Variants in PTGIS observed in about 807,000 individuals in gnomAD.
PTGIS encodes prostaglandin I2 synthase.
PTGIS carries 45 observed loss-of-function variants against 50.3 expected under a neutral mutation model. The ratio of observed to expected loss-of-function variants is 0.90; its 90% CI spans 0.70 to 1.15. PTGIS has a LOEUF of 1.15. Among genes scored for constraint, PTGIS ranks in the 50% most tolerant of loss-of-function variants. PTGIS has a pLI of 0.00. For synonymous variants in PTGIS, 260 were observed against 267.7 expected (o/e 0.97, Z 0.28); for missense variants, 668 against 661.3 (o/e 1.01, Z -0.11).
In PTGIS at chr20:49,540,494, C is replaced by G. The variant is rs1432948617; in HGVS notation, c.522-773G>C. 3.9e-5 allele frequency among the ~76,000 whole-genome samples: 6 copies of G among 152,108 alleles called. No individual in the cohort carries two copies. The highest frequency in any genetic ancestry group is 9.7e-5 in the African/African-American group (4 of 41,408). On this transcript the variant is annotated intron_variant, in intron 4 of 9. Coordinates refer to ENST00000244043, the MANE Select transcript of PTGIS (RefSeq NM_000961.4). This position sits in a 1 kb window ranked among gnomAD's most constrained non-coding sequence, Gnocchi z 4.8. ...GAGGCAGAGGATGGGAGGGCCTGGG[C>G]TGTCAGGGCTGGCCACGCAAGGCAG... is the stretch of plus-strand genomic sequence containing the variant.
chr20:49,567,313 A>T (rs1007759822), intron 1 of PTGIS, among the ~76,000 whole-genome samples: 2 of 152,162 alleles, frequency 1.3e-5, no homozygotes, highest in Non-Finnish European at 2.9e-5. Context: ...GGAGCTGGAA[A>T]ACCTTTGGGA....
At chr20:49,512,229 AT>A (rs1262521939) in intron 8 of PTGIS, among the ~76,000 whole-genome samples, 1 of 151,664 alleles carries the variant, frequency 6.6e-6, no homozygotes, top group Non-Finnish European at 1.5e-5. Flanking sequence ...GGATGGATGG[AT>A]GGATGCATGG....
At chr20:49,537,081 C>A (rs1450616358) in intron 5 of PTGIS, among the ~76,000 whole-genome samples, 1 of 152,218 alleles carries the variant, frequency 6.6e-6, no homozygotes, top group African/African-American at 2.4e-5. Flanking sequence ...AGTCTCTGAG[C>A]CCAGCACACA....
At chr20:49,543,508 T>C (rs185606640) in intron 4 of PTGIS, among the ~76,000 whole-genome samples, 2 of 152,352 alleles carry the variant, frequency 1.3e-5, no homozygotes, top group East Asian at 3.8e-4. Context: ...GGCCTGCTTC[T>C]GCCCACTTCT....
intron 4 of PTGIS, among the ~76,000 whole-genome samples, chr20:49,543,308 C>A (rs1010818755): frequency 2.6e-5 from 4 of 152,116 alleles, no homozygotes; most frequent in African/African-American, 9.7e-5. Flanking sequence ...TGACACCTGG[C>A]AGCCTCCTGC....
intron 5 of PTGIS, among the ~76,000 whole-genome samples, chr20:49,526,307 G>A (rs1041673099): frequency 6.6e-5 from 10 of 152,172 alleles, no homozygotes; most frequent in African/African-American, 2.4e-4. Context: ...AAGAGGCAAA[G>A]AAATTTAACA....
At chr20:49,520,847 T>A (rs967334024) in intron 6 of PTGIS, among the ~76,000 whole-genome samples, 38 of 149,758 alleles carry the variant, frequency 2.5e-4, no homozygotes, top group Non-Finnish European at 3.0e-5. Context: ...ACAAAAAAAA[T>A]AAGGTAGTTT....
In PTGIS at chr20:49,518,142, G is replaced by A. The variant is rs563932125; in HGVS notation, c.856-3747C>T. 2.0e-5 allele frequency among the ~76,000 whole-genome samples: 3 copies of A among 152,336 alleles called. No individual in the cohort carries two copies. The East Asian group carries it at 5.8e-4, about 29-fold the overall frequency. ...CAGAAGAAGGGAGACCTGAGGGATG[G>A]GGGTCACAGATTGTGTTTCTTTTAA... On this transcript the variant is annotated intron_variant, in intron 6 of 9. Coordinates refer to ENST00000244043, the MANE Select transcript of PTGIS (RefSeq NM_000961.4).
At chr20:49,537,015 C>T (rs117294996) in intron 5 of PTGIS, among the ~76,000 whole-genome samples, 1,798 of 152,270 alleles carry the variant, frequency 0.012, 16 homozygotes, top group Non-Finnish European at 0.019. Context: ...TAACTTGCTC[C>T]GAGTCACCAG....
At chr20:49,545,786 C>A (rs556012482) in intron 3 of PTGIS, among the ~76,000 whole-genome samples, 1 of 151,930 alleles carries the variant, frequency 6.6e-6, no homozygotes, top group African/African-American at 2.4e-5. Context: ...CTAGTGGCAG[C>A]AACAAGAACA....
intron 3 of PTGIS, 54 bp from the exon 4 acceptor site, chr20:49,544,502 C>A (rs1982310605): frequency 6.2e-7 from 1 of 1,603,402 alleles, no homozygotes; most frequent in Non-Finnish European, 8.5e-7. Context: ...AAATACACAC[C>A]TACAGGCACC....
At chr20:49,513,009 A>G in intron 8 of PTGIS, 71 bp downstream of exon 8, 1 of 1,574,494 alleles carries the variant, frequency 6.4e-7, no homozygotes, top group Non-Finnish European at 8.7e-7. Context: ...TGCCACTCAG[A>G]TCTGGCTCAT....
At chr20:49,518,273 C>T (rs1422188050) in intron 6 of PTGIS, among the ~76,000 whole-genome samples, 2 of 152,150 alleles carry the variant, frequency 1.3e-5, no homozygotes, top group Non-Finnish European at 2.9e-5. Context: ...TGCTGAGGGA[C>T]ACCAGCGATG....
At chr20:49,509,190 G>C (rs1981242443) in intron 9 of PTGIS, among the ~76,000 whole-genome samples, 1 of 152,222 alleles carries the variant, frequency 6.6e-6, no homozygotes, top group Non-Finnish European at 1.5e-5. Flanking sequence ...TTCCAGCTCT[G>C]AGGCTGTAGG....
rs1222895057 is a variant in PTGIS, at chr20:49,514,133, G to A, written c.1024+94C>T. The A allele has an allele frequency of 6.7e-6, 10 of 1,486,446 alleles. No individual in the cohort carries two copies. The African/African-American group carries it at 1.2e-4, about 18-fold the overall frequency. The allele number at this position is 1,486,446 out of a possible 1,614,324, so 92.1% of individuals were successfully genotyped here. A position where few individuals can be genotyped will look rare whatever the true frequency, so the allele number is the denominator to read the frequency against. ...CCCTAGGTCGGAGGACACACTGATG[G>A]ACCCTGGAAGACAGGAGTCCATGTT... On this transcript the variant is annotated intron_variant, in intron 7 of 9. Transcript: ENST00000244043.
In PTGIS at chr20:49,560,282, C is replaced by T. The variant is rs142746851; in HGVS notation, c.74+7761G>A. Among the ~76,000 whole-genome samples the T allele has an allele frequency of 5.7e-3, 866 of 152,018 alleles. 5 individuals carry two copies. Among genetic ancestry groups the T allele is most frequent in the Admixed American group, 0.012 (177 of 15,246 alleles). On this transcript the variant is annotated intron_variant, in intron 1 of 9. Transcript: ENST00000244043. ...TGGCATGATCATAGTTGACTATAAC[C>T]TCAAACGTTTGGACTCACGCAATCC...
At position 49,549,161 on chromosome 20, in the gene PTGIS, A is replaced by G. The variant is rs113963646; in HGVS notation, c.198+905T>C. 3.5e-3 allele frequency among the ~76,000 whole-genome samples: 537 copies of G among 152,292 alleles called. 4 individuals are homozygous for G. Among genetic ancestry groups the G allele is most frequent in the African/African-American group, 0.012 (511 of 41,562 alleles). On this transcript the variant is annotated intron_variant, in intron 2 of 9. Transcript: ENST00000244043. ...TAAACAGAAAAATGAAAGTTGGTGG[A>G]AACTGACCAGTTATCCCTCAGTATC...
chr20:49,563,081 A>C (rs1162554700), intron 1 of PTGIS, among the ~76,000 whole-genome samples: 2 of 152,192 alleles, frequency 1.3e-5, no homozygotes, highest in Non-Finnish European at 2.9e-5. Context: ...AGAGGCTGGC[A>C]TGGTTCAGCT....
intron 4 of PTGIS, among the ~76,000 whole-genome samples, chr20:49,542,803 C>T (rs963993819): frequency 6.6e-6 from 1 of 152,178 alleles, no homozygotes; most frequent in African/African-American, 2.4e-5. Context: ...AGTGCAGACT[C>T]TGGGACCAGC....
Sources: allele counts gnomAD v4.1 joint callset (sites outside exome capture counted in the v4.1 genomes callset), GRCh38; gene constraint gnomAD v4.1.1; non-coding constraint Gnocchi (gnomAD v3.1); transcripts MANE v1.5; gene names NCBI Gene and HGNC (gene_info 2026-07-23, HGNC 2026-07-21).